The following HPSE2 variants were observed in gnomAD, a reference collection of about 807,000 sequenced individuals.
The protein encoded by HPSE2 is inactive heparanase-2.
A neutral mutation model predicts 60.5 loss-of-function variants in HPSE2; 38 were observed. The observed-to-expected ratio is 0.63, with a 90% CI of 0.48 to 0.82. The LOEUF (loss-of-function observed/expected upper bound fraction) is 0.82, where lower values mean the gene tolerates loss of function less well. Ranked by LOEUF, HPSE2 falls within the 40% of genes least tolerant of loss-of-function variation. The probability of loss-of-function intolerance (pLI) is 0.00; values close to 1 mark genes in which losing one functional copy is unlikely to be tolerated. For missense variants in HPSE2, 713 were observed against 740.4 expected, an observed-to-expected ratio of 0.96 and a Z score of 0.43; for synonymous variants, 295 against 293.2, an observed-to-expected ratio of 1.01 and a Z score of -0.06.
At chr10:98,742,460 A>G (rs1023095697) in intron 4 of HPSE2, among the ~76,000 whole-genome samples, 5 of 152,046 alleles carry the variant, frequency 3.3e-5, no homozygotes, top group African/African-American at 1.2e-4. Context: ...TAAGACTGTT[A>G]ATGAAAATGT....
intron 3 of HPSE2, among the ~76,000 whole-genome samples, chr10:98,837,189 A>AC (rs1226379012): frequency 1.3e-5 from 2 of 152,378 alleles, no homozygotes; most frequent in East Asian, 3.8e-4. Context: ...CATCAGAAAT[A>AC]CCATCACAGT....
chr10:98,475,323 T>C (rs1485740220), intron 11 of HPSE2, among the ~76,000 whole-genome samples: 3 of 152,094 alleles, frequency 2.0e-5, no homozygotes, highest in Non-Finnish European at 2.9e-5. Flanking sequence ...GGTTTCACCA[T>C]GTTAGCCAGG....
At chr10:99,076,105 G>A (rs1842943512) in intron 3 of HPSE2, among the ~76,000 whole-genome samples, 1 of 151,432 alleles carries the variant, frequency 6.6e-6, no homozygotes, top group Admixed American at 6.6e-5. Flanking sequence ...TGTTTGTCTT[G>A]TAATTCTTTT....
At chr10:98,889,357 CTCTTT>C (rs930776613) in intron 3 of HPSE2, among the ~76,000 whole-genome samples, 3 of 150,414 alleles carry the variant, frequency 2.0e-5, no homozygotes, top group Non-Finnish European at 3.0e-5. Flanking sequence ...TTTTCTCTCT[CTCTTT>C]TCTTTTTTTT....
chr10:98,653,608 T>C (rs144018436), intron 6 of HPSE2, among the ~76,000 whole-genome samples: 53 of 152,126 alleles, frequency 3.5e-4, no homozygotes, highest in African/African-American at 1.2e-3. Flanking sequence ...CTGCTTCATA[T>C]GCAGTACAGG....
chr10:98,545,043 A>G (rs1165400778), intron 9 of HPSE2, among the ~76,000 whole-genome samples: 3 of 152,216 alleles, frequency 2.0e-5, no homozygotes. Flanking sequence ...CAAATAAACT[A>G]GAAAATCTAG....
intron 9 of HPSE2, among the ~76,000 whole-genome samples, chr10:98,529,228 A>C (rs760154698): frequency 8.5e-5 from 13 of 152,246 alleles, no homozygotes; most frequent in Non-Finnish European, 1.8e-4. Flanking sequence ...AGTCTTAATA[A>C]TTCTATTATC....
At chr10:98,872,852 G>A (rs774160019) in intron 3 of HPSE2, among the ~76,000 whole-genome samples, 7 of 152,124 alleles carry the variant, frequency 4.6e-5, no homozygotes, top group Non-Finnish European at 1.0e-4. Flanking sequence ...TCTGGCAAGT[G>A]GTAACTTCTC....
At chr10:98,886,663 T>C (rs1564633295) in intron 3 of HPSE2, among the ~76,000 whole-genome samples, 1 of 152,088 alleles carries the variant, frequency 6.6e-6, no homozygotes, top group Non-Finnish European at 1.5e-5. Context: ...GTTCCTACCG[T>C]GTTAAAGGCT....
chr10:98,757,505 T>C (rs190554197), intron 3 of HPSE2, among the ~76,000 whole-genome samples: 2 of 152,162 alleles, frequency 1.3e-5, no homozygotes, highest in African/African-American at 4.8e-5. Context: ...AAAGTCAATA[T>C]ACAAAAATCA....
intron 9 of HPSE2, among the ~76,000 whole-genome samples, chr10:98,571,293 C>T (rs1944485929): frequency 6.6e-6 from 1 of 152,064 alleles, no homozygotes; most frequent in Non-Finnish European, 1.5e-5. Context: ...CGCTTGAGGT[C>T]AGGAGTTTAA....
intron 3 of HPSE2, among the ~76,000 whole-genome samples, chr10:98,747,824 C>A (rs12217364): frequency 0.14 from 21,572 of 152,020 alleles, 1,907 homozygotes; most frequent in Admixed American, 0.23. Context: ...ACTTGTTTTC[C>A]CAGTTAAACT....
chr10:98,973,440 T>C lies in HPSE2; in HGVS notation c.610+170798A>G, dbSNP rs11819329. On this transcript the variant is annotated intron_variant, in intron 3 of 11. Coordinates refer to ENST00000370552, the MANE Select transcript of HPSE2 (RefSeq NM_021828.5). ...CAAGTAAAAGCACCAAGGTGAGCCA[T>C]TAATTGCAGGCTATCCCTACATTGT... 8.3e-3 allele frequency among the ~76,000 whole-genome samples: 1,267 copies of C among 152,302 alleles called. 17 individuals carry two copies. The highest frequency in any genetic ancestry group is 0.029 in the African/African-American group (1,216 of 41,562).
intron 3 of HPSE2, among the ~76,000 whole-genome samples, chr10:98,892,460 T>G (rs1953362100): frequency 6.6e-6 from 1 of 152,202 alleles, no homozygotes; most frequent in African/African-American, 2.4e-5. Context: ...TGTTGAGTGC[T>G]TATCATGTTC....
At position 98,936,009 on chromosome 10, in the gene HPSE2, G is replaced by C. The variant is rs1954778770; in HGVS notation, c.611-191953C>G. On this transcript the variant is annotated intron_variant, in intron 3 of 11. Coordinates refer to ENST00000370552, the MANE Select transcript of HPSE2 (RefSeq NM_021828.5). ...CTGCAGGGATGCCCTGCCCGGTGAG[G>C]GGGTATCTAGAGAAGTAGTCTGGCC... Among the ~76,000 whole-genome samples, 3 of 144,550 alleles carry C rather than the reference G, an allele frequency of 2.1e-5. 1 individual carries two copies. The highest frequency in any genetic ancestry group is 8.4e-5 in the African/African-American group (3 of 35,824). 94.8% of individuals were successfully genotyped at this position (144,550 alleles called of 152,430 possible). A position where few individuals can be genotyped will look rare whatever the true frequency, so the allele number is the denominator to read the frequency against.
chr10:98,860,453 A>T (rs1184619729), intron 3 of HPSE2, among the ~76,000 whole-genome samples: 1 of 152,204 alleles, frequency 6.6e-6, no homozygotes, highest in Non-Finnish European at 1.5e-5. Context: ...AACCATAAAA[A>T]TGGCTAATAT....
chr10:99,102,499 C>G (rs1307179580), intron 3 of HPSE2, among the ~76,000 whole-genome samples: 2 of 152,006 alleles, frequency 1.3e-5, no homozygotes, highest in Admixed American at 6.6e-5. Context: ...AATACCCTAC[C>G]AACCAAAAAA....
At chr10:98,665,572 G>A (rs1469952180) in intron 6 of HPSE2, among the ~76,000 whole-genome samples, 1 of 152,196 alleles carries the variant, frequency 6.6e-6, no homozygotes, top group Non-Finnish European at 1.5e-5. Context: ...AACCCCATCA[G>A]GCTAGCAGCA....
intron 9 of HPSE2, among the ~76,000 whole-genome samples, chr10:98,496,063 G>T (rs576864758): frequency 6.6e-6 from 1 of 152,102 alleles, no homozygotes; most frequent in Non-Finnish European, 1.5e-5. Context: ...GTGTGTGTGT[G>T]TGTAAGTGTG....
Sources: gnomAD v4.1 joint callset for allele counts (sites outside exome capture counted in the v4.1 genomes callset) on GRCh38, gnomAD v4.1.1 for gene constraint, MANE v1.5 for transcripts, NCBI Gene and HGNC (gene_info 2026-07-23, HGNC 2026-07-21) for gene names.